ARHGAP28: variants seen among roughly 807,000 people sequenced by gnomAD.
The protein encoded by ARHGAP28 is Rho GTPase activating protein 28.
A neutral mutation model predicts 90.7 loss-of-function variants in ARHGAP28; 56 were observed. The observed-to-expected ratio is 0.62, with a 90% CI of 0.50 to 0.77. ARHGAP28 has a LOEUF of 0.77. Among genes scored for constraint, ARHGAP28 ranks in the 30% least tolerant of loss-of-function variants. ARHGAP28 has a pLI of 0.00. For missense variants in ARHGAP28, 869 were observed against 900.9 expected, an observed-to-expected ratio of 0.96 and a Z score of 0.45; for synonymous variants, 308 against 323.3, an observed-to-expected ratio of 0.95 and a Z score of 0.51.
At chr18:6,816,709 G>A (rs2056593240) in intron 1 of ARHGAP28, among the ~76,000 whole-genome samples, 1 of 152,168 alleles carries the variant, frequency 6.6e-6, no homozygotes, top group African/African-American at 2.4e-5. Context: ...TTTTCAGCAG[G>A]AAGTTTAACT....
intron 1 of ARHGAP28, among the ~76,000 whole-genome samples, chr18:6,807,391 A>AT (rs912966046): frequency 1.5e-4 from 23 of 151,426 alleles, no homozygotes; most frequent in South Asian, 6.3e-4. Flanking sequence ...TGCAGTGTGG[A>AT]TTTTTTTTTA....
At chr18:6,807,295 G>A (rs1217105010) in intron 1 of ARHGAP28, among the ~76,000 whole-genome samples, 1 of 152,086 alleles carries the variant, frequency 6.6e-6, no homozygotes, top group African/African-American at 2.4e-5. Context: ...TCATTACAAG[G>A]TTCATTTGTA....
At chr18:6,751,354 T>C (rs1600150836) in intron 1 of ARHGAP28, among the ~76,000 whole-genome samples, 1 of 150,882 alleles carries the variant, frequency 6.6e-6, no homozygotes, top group Admixed American at 6.6e-5. Context: ...TCCCAAGAGG[T>C]GAAAGAGAAA....
At chr18:6,804,654 CTT>C (rs1297242042) in intron 1 of ARHGAP28, among the ~76,000 whole-genome samples, 1 of 152,098 alleles carries the variant, frequency 6.6e-6, no homozygotes, top group Non-Finnish European at 1.5e-5. Flanking sequence ...TTTTATTTCT[CTT>C]TTGATCCATT....
chr18:6,904,614 CAGGAAA>C (rs1453012934), intron 16 of ARHGAP28, among the ~76,000 whole-genome samples: 1 of 151,914 alleles, frequency 6.6e-6, no homozygotes, highest in Non-Finnish European at 1.5e-5. Context: ...AAATTAAAAA[CAGGAAA>C]ACGAGAAAGA....
rs1567993359 is a variant in ARHGAP28, at chr18:6,914,762, A to G, written c.*2608A>G. 6.6e-6 allele frequency: 1 copy of G among 152,208 alleles called. No homozygotes were observed. The highest frequency in any genetic ancestry group is 1.9e-4 in the East Asian group (1 of 5,188). The allele number at this position is 152,208 out of a possible 1,614,324, so 9.4% of individuals were successfully genotyped here. On this transcript the variant is annotated 3_prime_UTR_variant, in exon 18 of 18. Coordinates refer to ENST00000383472, the MANE Select transcript of ARHGAP28 (RefSeq NM_001366230.1). ...GGGAAAATAATGTCCTCCAGGAGAAAGTGTTAGAGGGAACTAACATTTTAG... is the reference window on the plus strand; with the variant it reads ...GGGAAAATAATGTCCTCCAGGAGAAGGTGTTAGAGGGAACTAACATTTTAG...
At chr18:6,747,048 C>A (rs181930446) in intron 1 of ARHGAP28, among the ~76,000 whole-genome samples, 50 of 149,874 alleles carry the variant, frequency 3.3e-4, no homozygotes, top group Admixed American at 3.1e-3. Context: ...CTCTGATATT[C>A]AGTTCATTCA....
chr18:6,842,685 G>T (rs966719676), intron 3 of ARHGAP28, among the ~76,000 whole-genome samples: 1 of 152,002 alleles, frequency 6.6e-6, no homozygotes, highest in African/African-American at 2.4e-5. Flanking sequence ...AGATTGATTA[G>T]TATGGTAATG....
intron 1 of ARHGAP28, among the ~76,000 whole-genome samples, chr18:6,804,702 T>A (rs941516708): frequency 6.6e-6 from 1 of 152,234 alleles, no homozygotes; most frequent in African/African-American, 2.4e-5. Context: ...TTTCAAAATA[T>A]TCCAGGATTT....
intron 10 of ARHGAP28, 23 bp from the exon 11 acceptor site, chr18:6,882,114 T>C (rs2057183382): frequency 6.2e-7 from 1 of 1,601,464 alleles, no homozygotes; most frequent in South Asian, 1.1e-5. Flanking sequence ...CATTGAATAC[T>C]GACTGTTTTC....
intron 1 of ARHGAP28, among the ~76,000 whole-genome samples, chr18:6,786,274 TTTC>T (rs2056363985): frequency 6.6e-6 from 1 of 152,190 alleles, no homozygotes; most frequent in Non-Finnish European, 1.5e-5. Flanking sequence ...TATTTTTCCT[TTTC>T]TTTAGTTTTT....
intron 1 of ARHGAP28, among the ~76,000 whole-genome samples, chr18:6,769,219 G>T (rs553534742): frequency 4.0e-5 from 6 of 151,858 alleles, no homozygotes; most frequent in Non-Finnish European, 8.8e-5. Context: ...TAGGAAGGGG[G>T]TCTGACAACT....
chr18:6,873,872 G>A, intron 9 of ARHGAP28, 97 bp downstream of exon 9: 1 of 1,064,186 alleles, frequency 9.4e-7, no homozygotes. Flanking sequence ...TATATTTAAA[G>A]ACACTATCGC....
rs149431711 is a variant in ARHGAP28 at position 6,882,144 on chromosome 18, G to T, written c.1298G>T (p.Arg433Leu). The T allele has an allele frequency of 1.2e-6, 2 of 1,612,696 alleles. No homozygotes were observed. The highest frequency in any genetic ancestry group is 1.7e-5 in the Admixed American group (1 of 59,860). Reference sequence around the variant, plus strand: ...GTTTTCCTTGATTTACAGCAATACCGTGAAGAACTTGATGCCAAGTTTAAT... The same window carrying T: ...GTTTTCCTTGATTTACAGCAATACCTTGAAGAACTTGATGCCAAGTTTAAT... ...SGCTAKVKQY[R>L]EELDAKFNAD... The change falls in exon 11 of 18, where the codon CGT becomes CTT. Residue 433 changes from arginine (R) to leucine (L), a missense_variant. Physicochemically the swap from Arg to Leu is moderately radical, Grantham distance 102. Coordinates refer to ENST00000383472, the MANE Select transcript of ARHGAP28 (RefSeq NM_001366230.1).
In ARHGAP28 at chr18:6,746,138, A is replaced by G. The variant is rs192840107; in HGVS notation, c.122+16195A>G. 7.3e-4 allele frequency among the ~76,000 whole-genome samples: 111 copies of G among 152,306 alleles called. 1 individual carries two copies. Among genetic ancestry groups the G allele is most frequent in the African/African-American group, 2.5e-3 (106 of 41,572 alleles). On this transcript the variant is annotated intron_variant, in intron 1 of 17. Transcript: ENST00000383472. ...TGTTCTACCAAGGAACAGTCTTCTCAGCATTTAAGGTGTTTTACCTTCCCA... is the reference window on the plus strand; with the variant it reads ...TGTTCTACCAAGGAACAGTCTTCTCGGCATTTAAGGTGTTTTACCTTCCCA...
chr18:6,893,943 T>C (rs370853825), intron 14 of ARHGAP28, among the ~76,000 whole-genome samples: 5 of 149,788 alleles, frequency 3.3e-5, no homozygotes, highest in African/African-American at 1.2e-4. Flanking sequence ...CTCGGCTCGC[T>C]GCAACCTCCA....
chr18:6,905,312 A>G (rs962856052), intron 16 of ARHGAP28, among the ~76,000 whole-genome samples: 1 of 149,404 alleles, frequency 6.7e-6, no homozygotes, highest in African/African-American at 2.4e-5. Context: ...GAGAAACCAT[A>G]GAGTCATTTC....
chr18:6,761,172 G>A (rs1388772477), intron 1 of ARHGAP28, among the ~76,000 whole-genome samples: 1 of 151,992 alleles, frequency 6.6e-6, no homozygotes, highest in Admixed American at 6.6e-5. Context: ...TGGGGGTGAG[G>A]GCAGGGGCAG....
intron 1 of ARHGAP28, among the ~76,000 whole-genome samples, chr18:6,813,981 AGG>A (rs1567956181): frequency 6.6e-6 from 1 of 152,148 alleles, no homozygotes; most frequent in Non-Finnish European, 1.5e-5. Context: ...TGTGGAACTT[AGG>A]AAGCAGCCTT....
Sources: gnomAD v4.1 joint callset for allele counts (sites outside exome capture counted in the v4.1 genomes callset) on GRCh38, gnomAD v4.1.1 for gene constraint, MANE v1.5 for transcripts, NCBI Gene and HGNC (gene_info 2026-07-23, HGNC 2026-07-21) for gene names.